Variants in PAG1 observed in about 807,000 individuals in gnomAD.
PAG1 encodes the protein phosphoprotein associated with glycosphingolipid-enriched microdomains 1.
In PAG1, 23 loss-of-function variants were observed where a neutral mutation model predicts 31.7. The observed-to-expected ratio is 0.73, with a 90% CI of 0.52 to 1.03. The LOEUF (loss-of-function observed/expected upper bound fraction) is 1.03, where lower values mean the gene tolerates loss of function less well. Ranked by LOEUF, PAG1 falls within the 50% of genes least tolerant of loss-of-function variation. The pLI is 0.00. For synonymous variants in PAG1, 214 were observed against 210.3 expected, an observed-to-expected ratio of 1.02 and a Z score of -0.15; for missense variants, 473 against 540.7, an observed-to-expected ratio of 0.87 and a Z score of 1.24.
chr8:81,025,357 T>A (rs1808256957), intron 3 of PAG1, among the ~76,000 whole-genome samples: 1 of 152,222 alleles, frequency 6.6e-6, no homozygotes, highest in South Asian at 2.1e-4. Context: ...TATCCAACCA[T>A]GAATAAACCT....
At chr8:81,057,845 T>G (rs1208123371) in intron 2 of PAG1, among the ~76,000 whole-genome samples, 1 of 152,232 alleles carries the variant, frequency 6.6e-6, no homozygotes, top group Non-Finnish European at 1.5e-5. Flanking sequence ...AATCCCTTTT[T>G]CAAGTTAATG....
chr8:81,099,320 A>G (rs1053288833), intron 1 of PAG1, among the ~76,000 whole-genome samples: 67 of 152,206 alleles, frequency 4.4e-4, no homozygotes, highest in African/African-American at 1.6e-3. Context: ...CAGCTTTTCA[A>G]TGCTTTCTAT....
In PAG1 at chr8:80,985,311, T is replaced by C; in HGVS notation, c.341A>G (p.Asp114Gly). The C allele has an allele frequency of 6.2e-7, 1 of 1,614,150 alleles. No homozygotes were observed. Residue 114 changes from aspartate (D) to glycine (G), a missense_variant, in exon 7 of 9, where the codon GAT becomes GGT. Coordinates refer to ENST00000220597, the MANE Select transcript of PAG1 (RefSeq NM_018440.4). ...HYEEVQTSAS[D>G]LLDSQDSTGK... ...TGTGCTGTCCTGGGAATCCAGCAGA[T>C]CCGAGGCCGATGTCTGGACTTCCTC...
At chr8:81,007,636 C>CAAAAAAAAA (rs58612249) in intron 3 of PAG1, among the ~76,000 whole-genome samples, 1 of 49,728 alleles carries the variant, frequency 2.0e-5, no homozygotes, top group Non-Finnish European at 3.3e-5. Context: ...GACTCTGTCT[C>CAAAAAAAAA]AAAAAAAAAA....
At chr8:81,006,971 T>C (rs1221068062) in intron 3 of PAG1, among the ~76,000 whole-genome samples, 2 of 152,204 alleles carry the variant, frequency 1.3e-5, no homozygotes, top group Admixed American at 6.5e-5. Flanking sequence ...ATTTCCATTT[T>C]CTTTGGAAAG....
chr8:81,056,906 A>G (rs1047548169), intron 2 of PAG1, among the ~76,000 whole-genome samples: 1 of 152,214 alleles, frequency 6.6e-6, no homozygotes, highest in African/African-American at 2.4e-5. Flanking sequence ...AAAAGTGGGC[A>G]AAGGATATGA....
chr8:81,013,537 C>T (rs141565076), intron 3 of PAG1, among the ~76,000 whole-genome samples: 112 of 152,274 alleles, frequency 7.4e-4, no homozygotes, highest in Non-Finnish European at 1.2e-3. Context: ...CCCTGTTTAC[C>T]ACCCTCTCTG....
chr8:81,072,435 G>A (rs1467677077), intron 1 of PAG1, among the ~76,000 whole-genome samples: 2 of 152,190 alleles, frequency 1.3e-5, no homozygotes, highest in Non-Finnish European at 2.9e-5. Context: ...AGCATTTCCT[G>A]CCCTGAGTTG....
chr8:81,059,252 A>G (rs927445865), intron 2 of PAG1, among the ~76,000 whole-genome samples: 37 of 150,178 alleles, frequency 2.5e-4, no homozygotes, highest in Admixed American at 6.1e-4. Context: ...GTTTGTACAC[A>G]TTCAGTACAG....
At position 80,981,862 on chromosome 8, in the gene PAG1, CTT is replaced by C. The variant is rs57438015; in HGVS notation, c.877-1370_877-1369del. 8.6e-3 allele frequency among the ~76,000 whole-genome samples: 891 copies of C among 103,350 alleles called. 4 individuals carry two copies. The highest frequency in any genetic ancestry group is 0.043 in the African/African-American group (854 of 19,944). The allele number at this position is 103,350 out of a possible 152,430, so 67.8% of individuals were successfully genotyped here. A position where few individuals can be genotyped will look rare whatever the true frequency, so the allele number is the denominator to read the frequency against. On this transcript the variant is annotated intron_variant, in intron 7 of 8. Coordinates refer to ENST00000220597, the MANE Select transcript of PAG1 (RefSeq NM_018440.4). ...TTCTACCTACTCATTATCTCACTTC[CTT>C]TTTTTTTTTTTTTTTTTTTTTGACA...
intron 2 of PAG1, among the ~76,000 whole-genome samples, chr8:81,068,481 G>T (rs1809043097): frequency 6.6e-6 from 1 of 152,128 alleles, no homozygotes; most frequent in Non-Finnish European, 1.5e-5. Context: ...ACATAAATTG[G>T]TTTTGGTGGC....
chr8:81,005,576 G>A (rs1807860615), intron 3 of PAG1, among the ~76,000 whole-genome samples: 1 of 152,184 alleles, frequency 6.6e-6, no homozygotes, highest in South Asian at 2.1e-4. Flanking sequence ...GATACAAAAG[G>A]CAATATGGAG....
At chr8:81,006,505 C>T (rs1482620598) in intron 3 of PAG1, among the ~76,000 whole-genome samples, 1 of 152,122 alleles carries the variant, frequency 6.6e-6, no homozygotes, top group Non-Finnish European at 1.5e-5. Flanking sequence ...TAGCGGGTCC[C>T]CAGGGGCAGA....
At chr8:80,987,598 T>C (rs1807452176) in intron 5 of PAG1, 132 bp from the exon 6 acceptor site, 1 of 630,804 alleles carries the variant, frequency 1.6e-6, no homozygotes, top group Non-Finnish European at 2.8e-6. Context: ...TCTCCTATAA[T>C]AGTCCCCCCT....
At chr8:81,077,717 G>C (rs1377438590) in intron 1 of PAG1, among the ~76,000 whole-genome samples, 1 of 152,162 alleles carries the variant, frequency 6.6e-6, no homozygotes, top group Non-Finnish European at 1.5e-5. Flanking sequence ...AAACAGCAGA[G>C]ATTAATCAAA....
At chr8:81,086,491 A>ATGTG (rs933183369) in intron 1 of PAG1, among the ~76,000 whole-genome samples, 1 of 151,710 alleles carries the variant, frequency 6.6e-6, no homozygotes. Flanking sequence ...AAGGCAAGAA[A>ATGTG]TGTGTGTGTG....
chr8:81,101,254 A>T (rs887291117), intron 1 of PAG1, among the ~76,000 whole-genome samples: 1 of 152,208 alleles, frequency 6.6e-6, no homozygotes, highest in Non-Finnish European at 1.5e-5. Flanking sequence ...TTTGGTTTCA[A>T]TTCTACCTCG....
intron 2 of PAG1, among the ~76,000 whole-genome samples, chr8:81,049,908 T>G (rs1012841742): frequency 3.3e-5 from 5 of 152,118 alleles, no homozygotes; most frequent in Non-Finnish European, 4.4e-5. Flanking sequence ...ATTCAGTAAA[T>G]ATTTACTGAG....
At chr8:81,087,072 TGGTGGCTCATGCC>T (rs1809370389) in intron 1 of PAG1, among the ~76,000 whole-genome samples, 1 of 152,084 alleles carries the variant, frequency 6.6e-6, no homozygotes, top group Non-Finnish European at 1.5e-5. Flanking sequence ...CGGCCAGGCG[TGGTGGCTCATGCC>T]GGTAATCCCA....
Sources: allele counts gnomAD v4.1 joint callset (sites outside exome capture counted in the v4.1 genomes callset), GRCh38; gene constraint gnomAD v4.1.1; transcripts MANE v1.5; gene names NCBI Gene and HGNC (gene_info 2026-07-23, HGNC 2026-07-21).